The following NFIL3 variants were observed in gnomAD, a reference collection of about 807,000 sequenced individuals.
The protein encoded by NFIL3 is nuclear factor interleukin-3-regulated protein.
NFIL3 carries 5 observed loss-of-function variants against 10.0 expected under a neutral mutation model. The observed-to-expected ratio is 0.50, with a 90% CI of 0.26 to 1.06. The LOEUF (loss-of-function observed/expected upper bound fraction) is 1.06, where lower values mean the gene tolerates loss of function less well. Among genes scored for constraint, NFIL3 ranks in the 50% least tolerant of loss-of-function variants. The pLI, the probability that NFIL3 is intolerant of heterozygous loss-of-function variation, is 0.13. For synonymous variants in NFIL3, 202 were observed against 206.5 expected (o/e 0.98, Z 0.19); for missense variants, 436 against 547.6 (o/e 0.80, Z 2.03).
the NFIL3 span, among the ~76,000 whole-genome samples, chr9:91,432,716 A>G: frequency 1.3e-5 from 2 of 152,186 alleles, no homozygotes; most frequent in Non-Finnish European, 2.9e-5. Context: ...CTGAAAAGAA[A>G]TGGGAGGTTG....
chr9:91,410,414 T>A lies in NFIL3; in HGVS notation c.321A>T (p.Ala107=). 6.2e-7 allele frequency: 1 copy of A among 1,613,802 alleles called. No homozygotes were observed. Among genetic ancestry groups the A allele is most frequent in the Non-Finnish European group, 8.5e-7 (1 of 1,179,946 alleles). ...NDLVLENKLI[A]LGEENATLKA... Reference sequence around the variant, plus strand: ...TTAAAGTGGCGTTTTCTTCTCCCAGTGCAATTAGTTTGTTCTCTAAAACCA... The same window carrying A: ...TTAAAGTGGCGTTTTCTTCTCCCAGAGCAATTAGTTTGTTCTCTAAAACCA... The change falls in exon 2 of 2, where the codon GCA becomes GCT. Residue 107 remains alanine (A), a synonymous_variant. Transcript: ENST00000297689. This position sits in a 1 kb window ranked among gnomAD's most constrained non-coding sequence, Gnocchi z 5.7.
At chr9:91,453,520 A>AT in the NFIL3 span, among the ~76,000 whole-genome samples, 1 of 152,034 alleles carries the variant, frequency 6.6e-6, no homozygotes, top group Admixed American at 6.5e-5. Flanking sequence ...CATAAACTTG[A>AT]TTTTTTCCCA....
chr9:91,445,264 A>T, the NFIL3 span, among the ~76,000 whole-genome samples: 1 of 152,124 alleles, frequency 6.6e-6, no homozygotes, highest in Non-Finnish European at 1.5e-5. Context: ...GCCCTGAGGG[A>T]TGAGATACCA....
At chr9:91,415,709 C>A (rs1439796316) in intron 1 of NFIL3, among the ~76,000 whole-genome samples, 1 of 151,912 alleles carries the variant, frequency 6.6e-6, no homozygotes, top group Non-Finnish European at 1.5e-5. Context: ...CTCACCACAA[C>A]TTCCACCTCC....
the NFIL3 span, among the ~76,000 whole-genome samples, chr9:91,456,210 T>G: frequency 2.0e-5 from 3 of 152,202 alleles, no homozygotes; most frequent in South Asian, 2.1e-4. Flanking sequence ...TACAAATTGT[T>G]CCAGCACTTT....
chr9:91,461,091 T>G, the NFIL3 span, among the ~76,000 whole-genome samples: 2 of 152,210 alleles, frequency 1.3e-5, no homozygotes, highest in Non-Finnish European at 2.9e-5. Flanking sequence ...GGAAACTTGT[T>G]CCTGGTCATT....
intron 1 of NFIL3, among the ~76,000 whole-genome samples, chr9:91,419,989 T>C (rs1833728927): frequency 1.3e-5 from 2 of 152,198 alleles, no homozygotes; most frequent in African/African-American, 4.8e-5. Flanking sequence ...CACAAAGTTT[T>C]AGATAGAGAA....
chr9:91,427,328 C>T (rs1564161458), upstream of NFIL3, among the ~76,000 whole-genome samples: 2 of 152,116 alleles, frequency 1.3e-5, no homozygotes, highest in Admixed American at 1.3e-4. Flanking sequence ...GGGGTGGAGA[C>T]GGGGGACTCA....
the NFIL3 span, among the ~76,000 whole-genome samples, chr9:91,451,354 T>C: frequency 2.0e-5 from 3 of 152,246 alleles, no homozygotes; most frequent in African/African-American, 7.2e-5. Flanking sequence ...CTGACTTCCT[T>C]ATACAAAATC....
chr9:91,479,775 T>C, the NFIL3 span, among the ~76,000 whole-genome samples: 74 of 152,248 alleles, frequency 4.9e-4, no homozygotes, highest in African/African-American at 1.7e-3. Context: ...CCCAGGGCCC[T>C]AGTGGCGTAG....
At chr9:91,450,081 T>C in the NFIL3 span, among the ~76,000 whole-genome samples, 2 of 152,138 alleles carry the variant, frequency 1.3e-5, no homozygotes, top group Admixed American at 6.5e-5. Flanking sequence ...TAGTCATTTG[T>C]ATCTTTTCTC....
chr9:91,420,425 T>A (rs1344915783), intron 1 of NFIL3, among the ~76,000 whole-genome samples: 1 of 151,288 alleles, frequency 6.6e-6, no homozygotes, highest in Non-Finnish European at 1.5e-5. Flanking sequence ...ACAGGAAACA[T>A]TTATTGAACT....
chr9:91,474,157 G>A, the NFIL3 span, among the ~76,000 whole-genome samples: 1 of 151,548 alleles, frequency 6.6e-6, no homozygotes, highest in African/African-American at 2.4e-5. Context: ...CATCATGAAT[G>A]GGTGTTGGAT....
the NFIL3 span, among the ~76,000 whole-genome samples, chr9:91,463,227 G>T: frequency 3.3e-5 from 5 of 151,382 alleles, no homozygotes; most frequent in South Asian, 2.1e-4. Context: ...TATTCAGTTT[G>T]CTCTAGGCTT....
chr9:91,425,907 C>T (rs1285725339), upstream of NFIL3, among the ~76,000 whole-genome samples: 2 of 152,170 alleles, frequency 1.3e-5, no homozygotes, highest in African/African-American at 4.8e-5. Context: ...GTCAGAAATG[C>T]AGCTATTGTC....
At chr9:91,414,556 G>C (rs890812335) in intron 1 of NFIL3, among the ~76,000 whole-genome samples, 2 of 152,164 alleles carry the variant, frequency 1.3e-5, no homozygotes, top group Admixed American at 6.5e-5. Context: ...ACCTCGCCAG[G>C]CCACCTCATT....
chr9:91,476,438 T>C, the NFIL3 span, among the ~76,000 whole-genome samples: 1 of 152,218 alleles, frequency 6.6e-6, no homozygotes, highest in African/African-American at 2.4e-5. Flanking sequence ...CTGGGTGTGG[T>C]GGCACGCACC....
At chr9:91,452,920 G>C in the NFIL3 span, among the ~76,000 whole-genome samples, 1 of 151,916 alleles carries the variant, frequency 6.6e-6, no homozygotes, top group Non-Finnish European at 1.5e-5. Flanking sequence ...ATTGAGGCCT[G>C]TCTCAGAGAC....
the NFIL3 span, among the ~76,000 whole-genome samples, chr9:91,476,311 G>A: frequency 1.1e-4 from 16 of 152,178 alleles, no homozygotes; most frequent in Non-Finnish European, 1.8e-4. Context: ...AGTGGCTCAT[G>A]CCTGTAATCC....
Sources: gnomAD v4.1 joint callset for allele counts (sites outside exome capture counted in the v4.1 genomes callset) on GRCh38, gnomAD v4.1.1 for gene constraint, Gnocchi (gnomAD v3.1) non-coding constraint, MANE v1.5 for transcripts, NCBI Gene and HGNC (gene_info 2026-07-23, HGNC 2026-07-21) for gene names.